Variants in ARHGAP15 observed in about 807,000 individuals in gnomAD.
The protein encoded by ARHGAP15 is Rho GTPase activating protein 15.
ARHGAP15 carries 51 observed loss-of-function variants against 63.7 expected under a neutral mutation model. The ratio of observed to expected loss-of-function variants is 0.80; its 90% CI spans 0.64 to 1.01. The LOEUF (loss-of-function observed/expected upper bound fraction) is 1.01. Among genes scored for constraint, ARHGAP15 ranks in the 50% least tolerant of loss-of-function variants. The pLI is 0.00. For synonymous variants in ARHGAP15, 191 were observed against 193.8 expected (o/e 0.99, Z 0.12); for missense variants, 560 against 564.6 (o/e 0.99, Z 0.08).
intron 8 of ARHGAP15, among the ~76,000 whole-genome samples, chr2:143,470,843 TAC>T (rs1455995799): frequency 1.3e-5 from 2 of 150,240 alleles, no homozygotes; most frequent in African/African-American, 2.4e-5. Flanking sequence ...TATATATATA[TAC>T]ACACACACGT....
At chr2:143,212,362 G>T (rs564910617) in intron 3 of ARHGAP15, among the ~76,000 whole-genome samples, 11 of 152,306 alleles carry the variant, frequency 7.2e-5, no homozygotes, top group Admixed American at 7.2e-4. Flanking sequence ...TTGCAGACTG[G>T]CTGGCATCCA....
At chr2:143,274,763 T>G (rs1681458368) in intron 6 of ARHGAP15, among the ~76,000 whole-genome samples, 1 of 152,194 alleles carries the variant, frequency 6.6e-6, no homozygotes, top group Non-Finnish European at 1.5e-5. Context: ...TAATAGGTTT[T>G]GATTTCCCCA....
At chr2:143,366,069 C>T (rs564510872) in intron 6 of ARHGAP15, among the ~76,000 whole-genome samples, 1 of 152,268 alleles carries the variant, frequency 6.6e-6, no homozygotes, top group South Asian at 2.1e-4. Flanking sequence ...TTTCCAAATT[C>T]CCTAAGCATT....
rs993455423 is a variant in ARHGAP15, at chr2:143,351,907, T to C, written c.475-83694T>C. 2.6e-5 allele frequency among the ~76,000 whole-genome samples: 4 copies of C among 152,200 alleles called. No individual in the cohort carries two copies. In the East Asian group the frequency reaches 7.7e-4, roughly 29 times the overall value. On this transcript the variant is annotated intron_variant, in intron 6 of 13. Transcript: ENST00000295095. ...ACATAGATTCTCATTATACTTTTCTTATCTAAAATATAAATAAAAGGATCA... is the reference window on the plus strand; with the variant it reads ...ACATAGATTCTCATTATACTTTTCTCATCTAAAATATAAATAAAAGGATCA...
intron 2 of ARHGAP15, among the ~76,000 whole-genome samples, chr2:143,191,959 C>A (rs939278746): frequency 1.3e-5 from 2 of 152,160 alleles, no homozygotes; most frequent in Non-Finnish European, 2.9e-5. Context: ...TATGTTCTTA[C>A]ATTTCTGATA....
intron 6 of ARHGAP15, among the ~76,000 whole-genome samples, chr2:143,342,261 CAAAA>C (rs1430051920): frequency 6.6e-6 from 1 of 151,788 alleles, no homozygotes; most frequent in African/African-American, 2.4e-5. Context: ...AGTGTTTTCT[CAAAA>C]AGAAAGAACA....
intron 8 of ARHGAP15, among the ~76,000 whole-genome samples, chr2:143,476,864 T>C (rs777486231): frequency 1.3e-5 from 2 of 152,222 alleles, no homozygotes; most frequent in Non-Finnish European, 2.9e-5. Flanking sequence ...TTACATGCGA[T>C]GAGCTTGGGT....
intron 3 of ARHGAP15, among the ~76,000 whole-genome samples, chr2:143,209,749 G>T (rs189442459): frequency 6.6e-6 from 1 of 152,194 alleles, no homozygotes; most frequent in Admixed American, 6.6e-5. Context: ...TGTTACATCT[G>T]AAAAACTGCA....
Position 143,329,531 on chromosome 2 carries a change from T to C in ARHGAP15, c.474+78931T>C, listed in dbSNP as rs566146689. ...AGCCTCAGAAGATACAGTAACCCCA[T>C]CTGACACCTTGGTTACAACCTGTGA... is the stretch of plus-strand genomic sequence containing the variant. On this transcript the variant is annotated intron_variant, in intron 6 of 13. Transcript: ENST00000295095. Among the ~76,000 whole-genome samples, 9 of 152,214 alleles carry C rather than the reference T, an allele frequency of 5.9e-5. 1 individual carries two copies. The South Asian group carries it at 1.9e-3, about 32-fold the overall frequency.
chr2:143,435,632 T>C lies in ARHGAP15; in HGVS notation c.506T>C (p.Leu169Pro). The C allele has an allele frequency of 6.2e-7, 1 of 1,601,984 alleles. No homozygotes were observed. Among genetic ancestry groups the C allele is most frequent in the Non-Finnish European group, 8.5e-7 (1 of 1,176,448 alleles). The change falls in exon 7 of 14, where the codon CTA becomes CCA. Residue 169 changes from leucine (L) to proline (P), a missense_variant. Coordinates refer to ENST00000295095, the MANE Select transcript of ARHGAP15 (RefSeq NM_018460.4). The stretch of plus-strand genomic sequence containing the variant: ...ACAGTATCAGGAAATGAGTTCCTTC[T>C]ACAGTCAGATATTGACTTCATCATA... ...ITTVSGNEFL[L>P]QSDIDFIILD...
At chr2:143,637,711 G>A (rs1390643674) in intron 12 of ARHGAP15, among the ~76,000 whole-genome samples, 1 of 150,578 alleles carries the variant, frequency 6.6e-6, no homozygotes, top group Non-Finnish European at 1.5e-5. Context: ...ACAACATTTG[G>A]GGAGGAAATT....
chr2:143,218,106 T>A (rs1692829371), intron 4 of ARHGAP15, among the ~76,000 whole-genome samples: 1 of 152,162 alleles, frequency 6.6e-6, no homozygotes, highest in Admixed American at 6.6e-5. Flanking sequence ...GTAGTTTTAT[T>A]CAATTTGTAT....
rs186715118 is a variant in ARHGAP15, at chr2:143,659,207, C to T, written c.1138+34940C>T. ...CTTTTCTATCTTAACAATAGCTATC[C>T]GCCACCAAAGCACTTAAAATTTGTA... On this transcript the variant is annotated intron_variant, in intron 12 of 13. Coordinates refer to ENST00000295095, the MANE Select transcript of ARHGAP15 (RefSeq NM_018460.4). Among the ~76,000 whole-genome samples the T allele has an allele frequency of 9.2e-5, 14 of 152,048 alleles. No individual in the cohort carries two copies. The East Asian group carries it at 1.4e-3, about 15-fold the overall frequency.
At chr2:143,237,100 A>G (rs1009102214) in intron 5 of ARHGAP15, 2 of 152,156 alleles carry the variant, frequency 1.3e-5, no homozygotes, top group Non-Finnish European at 2.9e-5. Flanking sequence ...TGTAACCAAT[A>G]TGAAATATTC....
At chr2:143,333,828 A>G (rs1374078550) in intron 6 of ARHGAP15, among the ~76,000 whole-genome samples, 1 of 152,216 alleles carries the variant, frequency 6.6e-6, no homozygotes, top group African/African-American at 2.4e-5. Context: ...GGTGGTAAAC[A>G]TTGCTTCAGG....
chr2:143,150,130 T>TACA (rs1689758628), intron 1 of ARHGAP15, among the ~76,000 whole-genome samples: 1 of 152,008 alleles, frequency 6.6e-6, no homozygotes, highest in Admixed American at 6.6e-5. Context: ...TACCCAAGCC[T>TACA]ACATTTTCTC....
At chr2:143,593,249 C>A (rs550977209) in intron 11 of ARHGAP15, 2 of 152,318 alleles carry the variant, frequency 1.3e-5, no homozygotes, top group Non-Finnish European at 2.9e-5. Context: ...TTGTTGGACA[C>A]CTACCTGTCA....
intron 11 of ARHGAP15, among the ~76,000 whole-genome samples, chr2:143,592,948 G>A (rs919207637): frequency 1.3e-5 from 2 of 152,140 alleles, no homozygotes; most frequent in Admixed American, 1.3e-4. Flanking sequence ...CATCCCACTG[G>A]CACCGTTGTT....
At chr2:143,713,366 C>A (rs1684669088) in intron 13 of ARHGAP15, among the ~76,000 whole-genome samples, 2 of 152,146 alleles carry the variant, frequency 1.3e-5, no homozygotes, top group Admixed American at 6.5e-5. Flanking sequence ...CCCCATGATC[C>A]AATTACCTCC....
Sources: gnomAD v4.1 joint callset for allele counts (sites outside exome capture counted in the v4.1 genomes callset) on GRCh38, gnomAD v4.1.1 for gene constraint, MANE v1.5 for transcripts, NCBI Gene and HGNC (gene_info 2026-07-23, HGNC 2026-07-21) for gene names.